The following ZNF335 variants were observed in gnomAD, a reference collection of about 807,000 sequenced individuals.
ZNF335 encodes NRC-interacting factor 1.
In ZNF335, 84 loss-of-function variants were observed where a neutral mutation model predicts 145.6. The observed-to-expected ratio is 0.58, with a 90% confidence interval of 0.48 to 0.69. ZNF335 has a LOEUF of 0.69. Ranked by LOEUF, ZNF335 falls within the 30% of genes least tolerant of loss-of-function variation. The pLI, the probability that ZNF335 is intolerant of heterozygous loss-of-function variation, is 0.00. For missense variants in ZNF335, 1,865 were observed against 1,809.7 expected (o/e 1.03, Z -0.55); for synonymous variants, 761 against 717.0 (o/e 1.06, Z -0.98).
Position 45,967,501 on chromosome 20 carries a change from G to A in ZNF335, c.948C>T (p.Asp316=). 1 of 1,614,026 alleles carries A rather than the reference G, an allele frequency of 6.2e-7. No individual in the cohort carries two copies. The highest frequency in any genetic ancestry group is 8.5e-7 in the Non-Finnish European group (1 of 1,180,018). The change falls in exon 6 of 28, where the codon GAC becomes GAT. Residue 316 remains aspartate (D), a synonymous_variant. Coordinates refer to ENST00000322927, the MANE Select transcript of ZNF335 (RefSeq NM_022095.4). The stretch of plus-strand genomic sequence containing the variant: ...GAAACCATGGTGGCCTACCCTCCAG[G>A]TCATCAATGGCTCCAGCGTCTACAA... ...DDIVDAGAID[D]LEEDSDYNPA...
In ZNF335 at chr20:45,963,145, G is replaced by A. The variant is rs1028411761; in HGVS notation, c.1533+328C>T. Among the ~76,000 whole-genome samples, 8 of 152,110 alleles carry A rather than the reference G, an allele frequency of 5.3e-5. No individual in the cohort carries two copies. In the East Asian group the frequency reaches 9.6e-4, roughly 18 times the overall value. On this transcript the variant is annotated intron_variant, in intron 9 of 27. Transcript: ENST00000322927. ...AACCCTTTTCTTGAGACACATGACT[G>A]CCATCTGCTGGAAATCTTTCTAACA... is the stretch of plus-strand genomic sequence containing the variant.
intron 18 of ZNF335, 52 bp downstream of exon 18, chr20:45,953,637 C>T (rs2083673479): frequency 1.4e-5 from 22 of 1,599,902 alleles, no homozygotes; most frequent in Non-Finnish European, 1.9e-5. Context: ...ATCGGACCGA[C>T]CGACCACACC....
chr20:45,957,790 A>C, intron 16 of ZNF335, 45 bp downstream of exon 16: 1 of 1,609,476 alleles, frequency 6.2e-7, no homozygotes, highest in African/African-American at 1.3e-5. Context: ...TGCCCAACTC[A>C]GAGGTCCTAC....
chr20:45,951,496 G>C (rs906823260), intron 20 of ZNF335, among the ~76,000 whole-genome samples: 5 of 152,234 alleles, frequency 3.3e-5, no homozygotes. Context: ...GGAGATAACT[G>C]TTTCACGGCA....
Position 45,971,287 on chromosome 20 carries a change from C to T in ZNF335, c.124G>A (p.Ala42Thr), listed in dbSNP as rs1258246264. The T allele has an allele frequency of 1.3e-5, 21 of 1,583,980 alleles. No individual in the cohort carries two copies. Among genetic ancestry groups the T allele is most frequent in the Non-Finnish European group, 1.6e-5 (19 of 1,171,630 alleles). ...TCTGCCTGCCCCGGGGCGGCCGCGGCGTCGCTGCTGTCGGCGGACACGGCT... is the reference window on the plus strand; with the variant it reads ...TCTGCCTGCCCCGGGGCGGCCGCGGTGTCGCTGCTGTCGGCGGACACGGCT... ...SEAVSADSSD[A>T]AAAPGQAEAD... The change falls in exon 2 of 28, where the codon GCC becomes ACC. Residue 42 changes from alanine (A) to threonine (T), a missense_variant. By Grantham distance (58) the Ala-to-Thr change is moderately conservative. Coordinates refer to ENST00000322927, the MANE Select transcript of ZNF335 (RefSeq NM_022095.4).
At chr20:45,967,236 C>G (rs1359989539) in intron 6 of ZNF335, 3 of 533,878 alleles carry the variant, frequency 5.6e-6, no homozygotes, top group Non-Finnish European at 6.8e-6. Flanking sequence ...GGGCGAGGAC[C>G]TCCTCTCGCA....
chr20:45,963,516 C>T lies in ZNF335; in HGVS notation c.1490G>A (p.Cys497Tyr), dbSNP rs757348084. 6.2e-7 allele frequency: 1 copy of T among 1,614,144 alleles called. No individual in the cohort carries two copies. The highest frequency in any genetic ancestry group is 8.5e-7 in the Non-Finnish European group (1 of 1,180,042). The change falls in exon 9 of 28, where the codon TGC becomes TAC. Residue 497 changes from cysteine (C) to tyrosine (Y), a missense_variant. Coordinates refer to ENST00000322927, the MANE Select transcript of ZNF335 (RefSeq NM_022095.4). Reference protein sequence around the residue: ...HEAGDPQLFKCLQCSYRSRRW... With the variant: ...HEAGDPQLFKYLQCSYRSRRW... ...GCGGGAACGATAGCTGCACTGCAGG[C>T]ACTTGAAGAGCTGGGGATCGCCAGC... is the stretch of plus-strand genomic sequence containing the variant.
rs768775097 is a variant in ZNF335, at chr20:45,952,260, C to A, written c.3076G>T (p.Glu1026Ter). The A allele has an allele frequency of 6.2e-7, 1 of 1,613,274 alleles. No individual in the cohort carries two copies. Among genetic ancestry groups the A allele is most frequent in the Non-Finnish European group, 8.5e-7 (1 of 1,180,038 alleles). Residue 1026 changes from glutamate (E) to a stop codon, truncating the protein, a stop_gained, in exon 20 of 28, where the codon GAG becomes TAG. Coordinates refer to ENST00000322927, the MANE Select transcript of ZNF335 (RefSeq NM_022095.4). LOFTEE classifies it high-confidence loss of function. ...SKKFSCKICA[E>*]AFPGRAEMES... ...ATCTCAGCTCGGCCAGGGAAGGCCT[C>A]GGCACAGATCTTGCAGGAAAACTTC...
rs751359057 is a variant in ZNF335, at chr20:45,949,862, T to C, written c.3607A>G (p.Ile1203Val). 4.0e-5 allele frequency: 65 copies of C among 1,613,988 alleles called. No individual in the cohort carries two copies. The highest frequency in any genetic ancestry group is 4.5e-5 in the Non-Finnish European group (53 of 1,180,014). Reference protein sequence around the residue: ...TVTNQEEAAYIQEITTADGQT... With the variant: ...TVTNQEEAAYVQEITTADGQT... ...CCATCTGCCGTGGTGATCTCTTGGATGTAGGCGGCTTCCTCCTGCCAGGAC... is the reference window on the plus strand; with the variant it reads ...CCATCTGCCGTGGTGATCTCTTGGACGTAGGCGGCTTCCTCCTGCCAGGAC... Residue 1203 changes from isoleucine (I) to valine (V), a missense_variant, in exon 24 of 28, where the codon ATC (isoleucine) becomes GTC (valine). Ile to Val is a conservative substitution (Grantham distance 29). Transcript: ENST00000322927.
Position 45,949,373 on chromosome 20 carries a change from A to C in ZNF335, c.3779T>G (p.Ile1260Ser), listed in dbSNP as rs2083585024. 6.2e-7 allele frequency: 1 copy of C among 1,614,038 alleles called. No individual in the cohort carries two copies. Among genetic ancestry groups the C allele is most frequent in the Non-Finnish European group, 8.5e-7 (1 of 1,180,004 alleles). The change falls in exon 26 of 28, where the codon ATC (isoleucine) becomes AGC (serine). Residue 1260 changes from isoleucine (I) to serine (S), a missense_variant. Coordinates refer to ENST00000322927, the MANE Select transcript of ZNF335 (RefSeq NM_022095.4). The stretch of plus-strand genomic sequence containing the variant: ...GAACGGGGCTCCTTGTTCATACTGG[A>C]TGTGTGTGATCTGGCCCTCCTGTAC... ...IQVQEGQITH[I>S]QYEQGAPFLQ...
chr20:45,959,508 C>G, intron 14 of ZNF335, 75 bp from the exon 15 acceptor site: 1 of 1,125,344 alleles, frequency 8.9e-7, no homozygotes, highest in South Asian at 2.2e-5. Flanking sequence ...TTTCTTGACC[C>G]TAAGGATCTC....
intron 9 of ZNF335, 100 bp downstream of exon 9, chr20:45,963,373 C>T: frequency 2.9e-6 from 4 of 1,356,336 alleles, no homozygotes; most frequent in Non-Finnish European, 4.0e-6. Context: ...GAGCGTGACC[C>T]AGAATGCTCT....
At chr20:45,963,345 T>C in intron 9 of ZNF335, 128 bp downstream of exon 9, 7 of 1,109,264 alleles carry the variant, frequency 6.3e-6, no homozygotes, top group Non-Finnish European at 8.9e-6. Context: ...CAGACACGCG[T>C]TCTGAAGAGC....
chr20:45,949,527 G>T lies in ZNF335; in HGVS notation c.3711C>A (p.Leu1237=). Residue 1237 remains leucine (L), a synonymous_variant, in exon 25 of 28, where the codon CTC becomes CTA. Coordinates refer to ENST00000322927, the MANE Select transcript of ZNF335 (RefSeq NM_022095.4). ...CAGGGACCACAACATATTCCTGGGG[G>T]AGCAGGTGCTGGACACCATCCTGGG... is the stretch of plus-strand genomic sequence containing the variant. The part of the protein sequence containing the change: ...IISQDGVQHL[L]PQEYVVVPEG... 3 of 1,613,444 alleles carry T rather than the reference G, an allele frequency of 1.9e-6. No individual in the cohort carries two copies. The highest frequency in any genetic ancestry group is 2.5e-6 in the Non-Finnish European group (3 of 1,179,924).
At position 45,969,516 on chromosome 20, in the gene ZNF335, G is replaced by A. The variant is rs767497220; in HGVS notation, c.377C>T (p.Ser126Phe). ...NMLVSDCTAS[S>F]SDLGSAIDKI... ...GTCGATGGCCGAGCCCAGGTCCGAG[G>A]AGGAAGCTGTGCAGTCGGACACCAG... is the stretch of plus-strand genomic sequence containing the variant. Residue 126 changes from serine (S) to phenylalanine (F), a missense_variant, in exon 3 of 28, where the codon TCC becomes TTC. Physicochemically the swap from Ser to Phe is radical, Grantham distance 155 (BLOSUM62 -2). Coordinates refer to ENST00000322927, the MANE Select transcript of ZNF335 (RefSeq NM_022095.4). The A allele has an allele frequency of 1.3e-6, 2 of 1,584,188 alleles. No homozygotes were observed. The highest frequency in any genetic ancestry group is 3.3e-4 in the Middle Eastern group (2 of 5,988).
intron 11 of ZNF335, 21 bp from the exon 12 acceptor site, chr20:45,960,753 G>A (rs2083827851): frequency 1.9e-6 from 3 of 1,612,762 alleles, no homozygotes; most frequent in Middle Eastern, 1.7e-4. Flanking sequence ...ATAAGAAGGG[G>A]CCAGATGGAG....
chr20:45,970,922 G>C (rs892510306), intron 2 of ZNF335, among the ~76,000 whole-genome samples: 1 of 152,138 alleles, frequency 6.6e-6, no homozygotes, highest in Non-Finnish European at 1.5e-5. Flanking sequence ...TGTGAGGACT[G>C]TGGGTAGTAT....
chr20:45,948,885 G>A lies in ZNF335; in HGVS notation c.*68C>T. On this transcript the variant is annotated 3_prime_UTR_variant, in exon 28 of 28. Coordinates refer to ENST00000322927, the MANE Select transcript of ZNF335 (RefSeq NM_022095.4). ...AGATCCTAAATGAAGAGGGAGGTGA[G>A]TCCTGGTGGCCCCCTACCCCCAGGA... The A allele has an allele frequency of 1.2e-6, 2 of 1,604,464 alleles. No individual in the cohort carries two copies.
chr20:45,971,147 G>A, intron 2 of ZNF335, 63 bp downstream of exon 2: 2 of 1,452,900 alleles, frequency 1.4e-6, no homozygotes, highest in Non-Finnish European at 1.8e-6. Flanking sequence ...GTTTCCTCTT[G>A]GCTGTCAGGC....
Sources: gnomAD v4.1 joint callset for allele counts (sites outside exome capture counted in the v4.1 genomes callset) on GRCh38, gnomAD v4.1.1 for gene constraint, MANE v1.5 for transcripts, NCBI Gene and HGNC (gene_info 2026-07-23, HGNC 2026-07-21) for gene names.